The following CDC14B variants were observed in gnomAD, a reference collection of about 807,000 sequenced individuals.
CDC14B encodes the protein cell division cycle 14B.
Under a neutral mutation model 64.2 loss-of-function variants are expected in CDC14B, and 22 were observed. The ratio of observed to expected loss-of-function variants is 0.34; its 90% confidence interval spans 0.24 to 0.49. The LOEUF is 0.49. Among genes scored for constraint, CDC14B ranks in the 20% least tolerant of loss-of-function variants. The pLI is 0.99. For synonymous variants in CDC14B, 191 were observed against 215.8 expected (o/e 0.89, Z 1.01); for missense variants, 498 against 629.9 (o/e 0.79, Z 2.24).
chr9:96,543,193 G>A (rs1457888395), intron 5 of CDC14B, among the ~76,000 whole-genome samples: 11 of 151,982 alleles, frequency 7.2e-5, no homozygotes, highest in Admixed American at 6.6e-4. Flanking sequence ...AAAATGAGCC[G>A]GGCGTGGTGG....
Position 96,619,254 on chromosome 9 carries a change from C to T in CDC14B, c.125G>A (p.Arg42Gln). 1 of 1,359,404 alleles carries T rather than the reference C, an allele frequency of 7.4e-7. No homozygotes were observed. The highest frequency in any genetic ancestry group is 9.5e-7 in the Non-Finnish European group (1 of 1,050,542). 84.2% of individuals were successfully genotyped at this position (1,359,404 alleles called of 1,614,324 possible). Residue 42 changes from arginine (R) to glutamine (Q), a missense_variant, in exon 1 of 14, where the codon CGG becomes CAG. Coordinates refer to ENST00000375241, the MANE Select transcript of CDC14B (RefSeq NM_033331.4). ...RSSTQQDPRR[R>Q]DPQDDVYLDI... ...CAGGTACACGTCGTCCTGGGGGTCC[C>T]GGCGGCGCGGGTCTTGCTGCGTGGA...
chr9:96,547,810 AATGT>A, intron 5 of CDC14B, among the ~76,000 whole-genome samples: 1 of 151,346 alleles, frequency 6.6e-6, no homozygotes, highest in Non-Finnish European at 1.5e-5. Context: ...CTTGAGAGAG[AATGT>A]ATTATTGTTT....
At chr9:96,504,773 G>T (rs1320840477) in intron 13 of CDC14B, among the ~76,000 whole-genome samples, 1 of 152,148 alleles carries the variant, frequency 6.6e-6, no homozygotes, top group Non-Finnish European at 1.5e-5. Context: ...AAGAGGCAGT[G>T]GCAGGTGTGA....
At chr9:96,568,080 T>C (rs1318867034) in intron 1 of CDC14B, among the ~76,000 whole-genome samples, 1 of 152,228 alleles carries the variant, frequency 6.6e-6, no homozygotes, top group Non-Finnish European at 1.5e-5. Flanking sequence ...GGTGCTGGGA[T>C]TGGGGTTCAT....
chr9:96,532,925 C>T (rs1838707156), intron 9 of CDC14B, among the ~76,000 whole-genome samples: 1 of 152,016 alleles, frequency 6.6e-6, no homozygotes, highest in African/African-American at 2.4e-5. Flanking sequence ...AAATTTTTTG[C>T]CTACTAAGTC....
At chr9:96,592,421 C>T (rs1034846482) in intron 1 of CDC14B, among the ~76,000 whole-genome samples, 5 of 152,172 alleles carry the variant, frequency 3.3e-5, no homozygotes, top group Admixed American at 6.5e-5. Flanking sequence ...ATGCACTTAT[C>T]GAGCAAAGAA....
At chr9:96,522,801 T>C (rs1836948053) in intron 11 of CDC14B, among the ~76,000 whole-genome samples, 198 bp from the exon 12 acceptor site, 1 of 151,880 alleles carries the variant, frequency 6.6e-6, no homozygotes, top group Non-Finnish European at 1.5e-5. Context: ...GCAGCACTCT[T>C]GTTAGAAAAC....
intron 1 of CDC14B, among the ~76,000 whole-genome samples, chr9:96,611,277 C>G (rs1012545876): frequency 6.6e-6 from 1 of 152,170 alleles, no homozygotes; most frequent in African/African-American, 2.4e-5. Context: ...CACTAGAAAT[C>G]AAATGACTCA....
chr9:96,563,601 G>C (rs1356308813), intron 3 of CDC14B, among the ~76,000 whole-genome samples: 1 of 140,670 alleles, frequency 7.1e-6, no homozygotes, highest in Non-Finnish European at 1.5e-5. Flanking sequence ...AGTGAGCCCA[G>C]ATTGCTCCAC....
intron 12 of CDC14B, among the ~76,000 whole-genome samples, chr9:96,510,268 C>T (rs766717212): frequency 9.2e-5 from 14 of 152,144 alleles, no homozygotes; most frequent in Non-Finnish European, 1.6e-4. Flanking sequence ...TTTTATATAA[C>T]GTTTCAAAAT....
In CDC14B at chr9:96,529,616, C is replaced by T. The variant is rs982323337; in HGVS notation, c.946+4311G>A. 1.8e-4 allele frequency among the ~76,000 whole-genome samples: 28 copies of T among 151,890 alleles called. No homozygotes were observed. The East Asian group carries it at 3.1e-3, about 17-fold the overall frequency. ...AAGGGATCCTGCTATCTAAGCTTCC[C>T]GAGTAGCTGGGACTACAGGTAAACA... is the stretch of plus-strand genomic sequence containing the variant. On this transcript the variant is annotated intron_variant, in intron 9 of 13. Coordinates refer to ENST00000375241, the MANE Select transcript of CDC14B (RefSeq NM_033331.4).
chr9:96,518,404 A>C (rs547056208), intron 12 of CDC14B, among the ~76,000 whole-genome samples: 2 of 152,142 alleles, frequency 1.3e-5, no homozygotes, highest in East Asian at 3.9e-4. Flanking sequence ...ATTCCCAGCT[A>C]CTCAGGAGGC....
In CDC14B at chr9:96,500,507, ACCAGGTAATTAAGG is replaced by A. The variant is rs1833472306; in HGVS notation, c.*3232_*3245del. ...GATGAACATGTCTGCTGACAATTCTACCAGGTAATTAAGGAGGTAATTTCCTACACAGTATAGGT... is the reference window on the plus strand; with the variant it reads ...GATGAACATGTCTGCTGACAATTCTAAGGTAATTTCCTACACAGTATAGGT... On this transcript the variant is annotated 3_prime_UTR_variant, in exon 14 of 14. Coordinates refer to ENST00000375241, the MANE Select transcript of CDC14B (RefSeq NM_033331.4). 1 of 102,594 alleles carries A rather than the reference ACCAGGTAATTAAGG, an allele frequency of 9.7e-6. No individual in the cohort carries two copies. The highest frequency in any genetic ancestry group is 2.2e-5 in the Non-Finnish European group (1 of 45,444). 6.4% of individuals were successfully genotyped at this position (102,594 alleles called of 1,614,324 possible). A position where few individuals can be genotyped will look rare whatever the true frequency, so the allele number is the denominator to read the frequency against.
intron 12 of CDC14B, among the ~76,000 whole-genome samples, chr9:96,519,093 A>G (rs1429945388): frequency 2.6e-5 from 4 of 152,042 alleles, no homozygotes; most frequent in Non-Finnish European, 5.9e-5. Flanking sequence ...CCGAGATCGC[A>G]CCACTTTACT....
At position 96,564,817 on chromosome 9, in the gene CDC14B, A is replaced by G. The variant is rs1297461547; in HGVS notation, c.287T>C (p.Met96Thr). Residue 96 changes from methionine to threonine, a missense_variant, in exon 3 of 14, where the codon ATG becomes ACG. By Grantham distance (81) the Met-to-Thr change is moderately conservative. Transcript: ENST00000375241. ...YADFGPLNLAMVYRYCCKINK... is the reference protein window; with the variant it reads ...YADFGPLNLATVYRYCCKINK... ...GATCTTGCAACAATATCTGTAAACCATTGCCAGATTGAGTGGTCCAAAATC... is the reference window on the plus strand; with the variant it reads ...GATCTTGCAACAATATCTGTAAACCGTTGCCAGATTGAGTGGTCCAAAATC... The G allele has an allele frequency of 3.1e-6, 5 of 1,604,706 alleles. No individual in the cohort carries two copies. Among genetic ancestry groups the G allele is most frequent in the Non-Finnish European group, 4.3e-6 (5 of 1,175,484 alleles).
chr9:96,521,620 A>G (rs554298454), intron 12 of CDC14B, among the ~76,000 whole-genome samples: 2 of 152,304 alleles, frequency 1.3e-5, no homozygotes, highest in East Asian at 1.9e-4. Flanking sequence ...GACACTAGTG[A>G]GGAATTACTT....
intron 1 of CDC14B, among the ~76,000 whole-genome samples, chr9:96,575,099 C>T (rs921567753): frequency 2.6e-5 from 4 of 152,170 alleles, no homozygotes; most frequent in African/African-American, 9.7e-5. Context: ...TTATTTCTTG[C>T]CGGTGCTACA....
intron 1 of CDC14B, among the ~76,000 whole-genome samples, chr9:96,596,377 A>AC (rs1317301233): frequency 1.3e-5 from 2 of 151,016 alleles, no homozygotes; most frequent in African/African-American, 4.9e-5. Flanking sequence ...AAAAAAAAAA[A>AC]AAACACACAA....
intron 1 of CDC14B, among the ~76,000 whole-genome samples, chr9:96,608,429 C>CAAT (rs1214854607): frequency 6.6e-6 from 1 of 152,108 alleles, no homozygotes; most frequent in African/African-American, 2.4e-5. Context: ...GACAGTATTA[C>CAAT]AATAATAAAT....
Sources: allele counts gnomAD v4.1 joint callset (sites outside exome capture counted in the v4.1 genomes callset), GRCh38; gene constraint gnomAD v4.1.1; transcripts MANE v1.5; gene names NCBI Gene and HGNC (gene_info 2026-07-23, HGNC 2026-07-21).